AP2B1: variants seen among roughly 807,000 people sequenced by gnomAD.
The protein encoded by AP2B1 is adaptor related protein complex 2 subunit beta 1.
In AP2B1, 23 loss-of-function variants were observed where a neutral mutation model predicts 102.0. That is an observed-to-expected ratio of 0.23 (90% CI 0.16 to 0.32). The LOEUF is 0.32. Among genes scored for constraint, AP2B1 ranks in the 10% least tolerant of loss-of-function variants. The probability of loss-of-function intolerance (pLI) is 1.00; values close to 1 mark genes in which losing one functional copy is unlikely to be tolerated. For synonymous variants in AP2B1, 381 were observed against 421.2 expected (o/e 0.90, Z 1.17); for missense variants, 541 against 1,157.4 (o/e 0.47, Z 7.73).
intron 10 of AP2B1, among the ~76,000 whole-genome samples, chr17:35,637,377 G>C (rs1598127796): frequency 2.0e-5 from 3 of 152,178 alleles, no homozygotes; most frequent in African/African-American, 7.2e-5. Context: ...TAGAGACGGG[G>C]TTTCACTAGC....
intron 5 of AP2B1, among the ~76,000 whole-genome samples, chr17:35,621,852 TA>T (rs2142527912): frequency 6.6e-6 from 1 of 152,336 alleles, no homozygotes; most frequent in South Asian, 2.1e-4. Context: ...TACTAGACCT[TA>T]TATTTAATCT....
chr17:35,683,907 G>A (rs1404016465), intron 18 of AP2B1, among the ~76,000 whole-genome samples: 1 of 152,202 alleles, frequency 6.6e-6, no homozygotes, highest in African/African-American at 2.4e-5. Flanking sequence ...AAAGATGATA[G>A]GAAATTTCTG....
chr17:35,654,283 C>G (rs540458601), intron 13 of AP2B1, among the ~76,000 whole-genome samples: 1 of 151,976 alleles, frequency 6.6e-6, no homozygotes, highest in Non-Finnish European at 1.5e-5. Flanking sequence ...AGGCTGGTCT[C>G]AAACTCCTGA....
intron 9 of AP2B1, among the ~76,000 whole-genome samples, chr17:35,628,454 T>C (rs543005697): frequency 1.3e-5 from 2 of 152,268 alleles, no homozygotes; most frequent in East Asian, 1.9e-4. Context: ...CTTTTTTAAG[T>C]TAGCTGGGTG....
Position 35,668,229 on chromosome 17 carries a change from G to A in AP2B1, c.1990-2628G>A, listed in dbSNP as rs532732099. 7.9e-5 allele frequency among the ~76,000 whole-genome samples: 12 copies of A among 152,156 alleles called. No individual in the cohort carries two copies. In the East Asian group the frequency reaches 9.7e-4, roughly 12 times the overall value. On this transcript the variant is annotated intron_variant, in intron 14 of 21. Coordinates refer to ENST00000610402, the MANE Select transcript of AP2B1 (RefSeq NM_001030006.2). The stretch of plus-strand genomic sequence containing the variant: ...TGGGATTACAGGTGTGAGCCACCAC[G>A]CCCGGCCTCTCTGCTCAAATCCTGA...
intron 10 of AP2B1, among the ~76,000 whole-genome samples, chr17:35,637,277 C>T (rs544586638): frequency 4.1e-4 from 62 of 152,230 alleles, no homozygotes; most frequent in African/African-American, 1.3e-3. Flanking sequence ...CTCCGCCTCC[C>T]GGGTTCAAGT....
At chr17:35,618,653 A>G (rs1033887278) in intron 5 of AP2B1, among the ~76,000 whole-genome samples, 2 of 152,216 alleles carry the variant, frequency 1.3e-5, no homozygotes, top group South Asian at 2.1e-4. Flanking sequence ...GAGATTCCTC[A>G]TAAGTGAGCT....
intron 7 of AP2B1, among the ~76,000 whole-genome samples, chr17:35,627,068 G>C (rs1201418477): frequency 6.6e-6 from 1 of 152,000 alleles, no homozygotes; most frequent in African/African-American, 2.4e-5. Flanking sequence ...GTTTTCTGAA[G>C]GGTCTCTTTC....
intron 17 of AP2B1, among the ~76,000 whole-genome samples, chr17:35,680,617 C>T (rs1400519970): frequency 2.0e-5 from 3 of 151,824 alleles, no homozygotes; most frequent in Non-Finnish European, 2.9e-5. Flanking sequence ...GTGATCCACT[C>T]GCCTGGCCTG....
In AP2B1 at chr17:35,643,753, AGTC is replaced by A. The variant is rs199621196; in HGVS notation, c.1536+1782_1536+1784del. Among the ~76,000 whole-genome samples, 951 of 152,354 alleles carry A rather than the reference AGTC, an allele frequency of 6.2e-3. 8 individuals are homozygous for A. The highest frequency in any genetic ancestry group is 0.022 in the African/African-American group (906 of 41,586). ...AATACTATCAGTCTGTAGTAATAACAGTCGTCATGGGAAACTACCCTATTTGGA... is the reference window on the plus strand; with the variant it reads ...AATACTATCAGTCTGTAGTAATAACAGTCATGGGAAACTACCCTATTTGGA... On this transcript the variant is annotated intron_variant, in intron 12 of 21. Transcript: ENST00000610402.
intron 5 of AP2B1, among the ~76,000 whole-genome samples, chr17:35,616,250 C>T (rs55898431): frequency 0.12 from 16,640 of 135,888 alleles, 1,035 homozygotes; most frequent in Middle Eastern, 0.19. Context: ...CTGCAAGCTC[C>T]GCCTCCCGGG....
intron 17 of AP2B1, among the ~76,000 whole-genome samples, chr17:35,675,026 G>A (rs764785732): frequency 6.6e-6 from 1 of 152,200 alleles, no homozygotes; most frequent in Non-Finnish European, 1.5e-5. Context: ...TCACATTTTG[G>A]TGGGGGAAAT....
intron 10 of AP2B1, 76 bp downstream of exon 10, chr17:35,636,532 A>G: frequency 1.9e-6 from 2 of 1,070,580 alleles, no homozygotes; most frequent in Non-Finnish European, 2.8e-6. Flanking sequence ...TTGCCTAGGT[A>G]AGAATTACTC....
intron 18 of AP2B1, among the ~76,000 whole-genome samples, chr17:35,707,134 C>CTTGTTGTTG (rs71366478): frequency 0.011 from 1,638 of 150,962 alleles, 28 homozygotes; most frequent in African/African-American, 0.034. Context: ...TGGTACATCC[C>CTTGTTGTTG]TTGTTGTTGT....
intron 20 of AP2B1, among the ~76,000 whole-genome samples, chr17:35,712,740 TAGC>T (rs1411194267): frequency 6.6e-6 from 1 of 152,276 alleles, no homozygotes; most frequent in Non-Finnish European, 1.5e-5. Context: ...CATTGCACGT[TAGC>T]AGACTAAAAG....
intron 18 of AP2B1, among the ~76,000 whole-genome samples, chr17:35,704,702 G>A (rs906663425): frequency 6.6e-6 from 1 of 152,150 alleles, no homozygotes; most frequent in East Asian, 1.9e-4. Context: ...TTTCCAGACA[G>A]TGCTAAGCTT....
chr17:35,608,029 A>G (rs1455397998), intron 4 of AP2B1, 113 bp from the exon 5 acceptor site: 1 of 1,271,724 alleles, frequency 7.9e-7, no homozygotes, highest in Non-Finnish European at 1.1e-6. Flanking sequence ...CTCATGTAGA[A>G]TGTATCTGGA....
chr17:35,590,021 G>T (rs535460427), intron 1 of AP2B1, among the ~76,000 whole-genome samples: 1 of 150,802 alleles, frequency 6.6e-6, no homozygotes, highest in African/African-American at 2.4e-5. Context: ...TGCCTCCTGG[G>T]TTCACACCAT....
chr17:35,624,307 C>T, intron 5 of AP2B1, 90 bp from the exon 6 acceptor site: 1 of 1,177,210 alleles, frequency 8.5e-7, no homozygotes, highest in Non-Finnish European at 1.2e-6. Context: ...GAATTGAGAT[C>T]CGTGAAATGA....
Sources: gnomAD v4.1 joint callset for allele counts (sites outside exome capture counted in the v4.1 genomes callset) on GRCh38, gnomAD v4.1.1 for gene constraint, MANE v1.5 for transcripts, NCBI Gene and HGNC (gene_info 2026-07-23, HGNC 2026-07-21) for gene names.